The following ZNF148 variants were observed in gnomAD, a reference collection of about 807,000 sequenced individuals.
The protein encoded by ZNF148 is Beta-Enolase Repressor Factor-1.
ZNF148 carries 7 observed loss-of-function variants against 67.7 expected under a neutral mutation model. That is an observed-to-expected ratio of 0.10 (90% CI 0.06 to 0.19). The LOEUF is 0.19. ZNF148 is among the 10% of genes least tolerant of loss of function. The pLI, the probability that ZNF148 is intolerant of heterozygous loss-of-function variation, is 1.00. For missense variants in ZNF148, 583 were observed against 947.1 expected, an observed-to-expected ratio of 0.62 and a Z score of 5.05; for synonymous variants, 333 against 330.7, an observed-to-expected ratio of 1.01 and a Z score of -0.08.
chr3:125,280,725 AAAT>A (rs1938335922), intron 5 of ZNF148, among the ~76,000 whole-genome samples: 1 of 151,342 alleles, frequency 6.6e-6, no homozygotes, highest in Non-Finnish European at 1.5e-5. Context: ...GGAAGAGTGA[AAAT>A]AATGATTCCT....
chr3:125,277,909 G>T, intron 6 of ZNF148, 100 bp from the exon 7 acceptor site: 1 of 875,258 alleles, frequency 1.1e-6, no homozygotes, highest in Non-Finnish European at 1.6e-6. Flanking sequence ...CCAAATTTTG[G>T]AAAATTACAA....
intron 7 of ZNF148, among the ~76,000 whole-genome samples, chr3:125,260,753 T>C (rs1034566632): frequency 1.1e-4 from 17 of 152,274 alleles, no homozygotes; most frequent in Admixed American, 7.8e-4. Flanking sequence ...TGTATGTAAA[T>C]TGTACATTAA....
Position 125,323,413 on chromosome 3 carries a change from A to G in ZNF148, c.-121T>C. On this transcript the variant is annotated 5_prime_UTR_variant, in exon 3 of 9. Coordinates refer to ENST00000360647, the MANE Select transcript of ZNF148 (RefSeq NM_021964.3). ...CTTTCATAGGCTTCAGAAATCCTCA[A>G]TACCACCTTAATCACTTATGCCATC... is the stretch of plus-strand genomic sequence containing the variant. 1 of 694,458 alleles carries G rather than the reference A, an allele frequency of 1.4e-6. No individual in the cohort carries two copies. Among genetic ancestry groups the G allele is most frequent in the East Asian group, 2.7e-5 (1 of 36,884 alleles). The allele number at this position is 694,458 out of a possible 1,614,324, so 43.0% of individuals were successfully genotyped here.
rs192131554 is a variant in ZNF148 at position 125,250,925 on chromosome 3, A to G, written c.668-16596T>C. Among the ~76,000 whole-genome samples the G allele has an allele frequency of 1.9e-4, 29 of 152,310 alleles. No individual in the cohort carries two copies. The East Asian group carries it at 5.4e-3, about 28-fold the overall frequency. ...ATTATCATTATGGATCTTTTCAAAC[A>G]TACACAAAAGTAGAGAACACATAAA... On this transcript the variant is annotated intron_variant, in intron 7 of 8. Coordinates refer to ENST00000360647, the MANE Select transcript of ZNF148 (RefSeq NM_021964.3).
intron 5 of ZNF148, among the ~76,000 whole-genome samples, chr3:125,285,463 A>G (rs1488304536): frequency 6.6e-6 from 1 of 152,146 alleles, no homozygotes; most frequent in East Asian, 1.9e-4. Flanking sequence ...GAGATGGCAG[A>G]CCAGTGGTTA....
intron 1 of ZNF148, among the ~76,000 whole-genome samples, chr3:125,373,063 A>C (rs953650095): frequency 6.6e-6 from 1 of 151,968 alleles, no homozygotes; most frequent in African/African-American, 2.4e-5. Flanking sequence ...AAGAACAGAT[A>C]ATATACAGTG....
Position 125,291,098 on chromosome 3 carries a change from C to T in ZNF148, c.334-2870G>A, listed in dbSNP as rs74818969. 1.9e-3 allele frequency among the ~76,000 whole-genome samples: 291 copies of T among 152,050 alleles called. 3 individuals are homozygous for T. The highest frequency in any genetic ancestry group is 6.3e-3 in the African/African-American group (261 of 41,478). On this transcript the variant is annotated intron_variant, in intron 4 of 8. Transcript: ENST00000360647. ...TACAGTTGCAAATTTTGGTCTACCC[C>T]CTCTCCCCACCTTCCAAACAAGATG...
At chr3:125,324,927 A>T (rs796360846) in intron 2 of ZNF148, among the ~76,000 whole-genome samples, 7 of 152,276 alleles carry the variant, frequency 4.6e-5, no homozygotes, top group African/African-American at 1.7e-4. Flanking sequence ...TGCCAGATAC[A>T]CTTTTGTGCA....
At chr3:125,328,455 T>A (rs1346017536) in intron 2 of ZNF148, among the ~76,000 whole-genome samples, 1 of 152,098 alleles carries the variant, frequency 6.6e-6, no homozygotes, top group Non-Finnish European at 1.5e-5. Context: ...TTAGCCAGAT[T>A]TGATCATTAC....
intron 1 of ZNF148, among the ~76,000 whole-genome samples, chr3:125,355,728 A>C (rs925958056): frequency 1.0e-4 from 1 of 9,636 alleles, no homozygotes; most frequent in Non-Finnish European, 2.2e-4. Flanking sequence ...TCTCTATTTA[A>C]AAAAAAAAAA....
intron 4 of ZNF148, among the ~76,000 whole-genome samples, chr3:125,290,103 C>A (rs1938925652): frequency 1.3e-5 from 2 of 152,146 alleles, no homozygotes; most frequent in African/African-American, 4.8e-5. Context: ...TCAGACATTT[C>A]TCCTAAAACT....
intron 3 of ZNF148, among the ~76,000 whole-genome samples, chr3:125,320,241 A>T (rs912390230): frequency 6.6e-6 from 1 of 152,194 alleles, no homozygotes. Context: ...AAAATTTAAA[A>T]ATAATCCTAA....
intron 2 of ZNF148, among the ~76,000 whole-genome samples, chr3:125,325,180 A>C (rs1940965704): frequency 1.3e-5 from 2 of 152,198 alleles, no homozygotes; most frequent in South Asian, 4.1e-4. Flanking sequence ...ATTATGTAAA[A>C]GAACCAAATG....
At chr3:125,241,313 C>A (rs553888374) in intron 7 of ZNF148, among the ~76,000 whole-genome samples, 1 of 148,474 alleles carries the variant, frequency 6.7e-6, no homozygotes, top group South Asian at 2.1e-4. Context: ...TTTTTTCTTT[C>A]TTTCTTTTTT....
chr3:125,232,215 A>G lies in ZNF148; in HGVS notation c.*126T>C, dbSNP rs1057327376. On this transcript the variant is annotated 3_prime_UTR_variant, in exon 9 of 9. Coordinates refer to ENST00000360647, the MANE Select transcript of ZNF148 (RefSeq NM_021964.3). The surrounding 1 kb of genome is among the most constrained non-coding windows in gnomAD (Gnocchi z 4.2). ...CAGTTATTGGATTATCTTGCTATTC[A>G]TATCAGCTTAACTTGTTATTACGCA... 5.3e-5 allele frequency: 60 copies of G among 1,139,348 alleles called. No homozygotes were observed. Among genetic ancestry groups the G allele is most frequent in the Non-Finnish European group, 6.7e-5 (56 of 835,782 alleles). 70.6% of individuals were successfully genotyped at this position (1,139,348 alleles called of 1,614,324 possible).
rs557161438 is a variant in ZNF148 at position 125,264,945 on chromosome 3, G to A, written c.667+12781C>T. ...AATTAATTAGATCTACAACCCAAAC[G>A]CTGCTGAGTGAATATATCCAGGCTG... On this transcript the variant is annotated intron_variant, in intron 7 of 8. Transcript: ENST00000360647. Among the ~76,000 whole-genome samples, 3 of 152,218 alleles carry A rather than the reference G, an allele frequency of 2.0e-5. No homozygotes were observed. In the East Asian group the frequency reaches 5.8e-4, roughly 29 times the overall value.
chr3:125,307,811 ATTTT>A (rs34469920), intron 4 of ZNF148, among the ~76,000 whole-genome samples: 13 of 127,262 alleles, frequency 1.0e-4, no homozygotes, highest in Non-Finnish European at 1.1e-4. Flanking sequence ...TGCCCAGATA[ATTTT>A]TTTTTTTTTT....
chr3:125,270,262 T>TC (rs965313520), intron 7 of ZNF148, among the ~76,000 whole-genome samples: 17 of 151,784 alleles, frequency 1.1e-4, no homozygotes, highest in African/African-American at 4.1e-4. Context: ...ATCCCAGCAC[T>TC]CTGGGAGGCC....
chr3:125,286,265 A>G (rs1342312326), intron 5 of ZNF148, among the ~76,000 whole-genome samples: 2 of 152,190 alleles, frequency 1.3e-5, no homozygotes, highest in African/African-American at 2.4e-5. Flanking sequence ...GGGAGAGGGA[A>G]GAAAAGAAGA....
Sources: allele counts gnomAD v4.1 joint callset (sites outside exome capture counted in the v4.1 genomes callset), GRCh38; gene constraint gnomAD v4.1.1; non-coding constraint Gnocchi (gnomAD v3.1); transcripts MANE v1.5; gene names NCBI Gene and HGNC (gene_info 2026-07-23, HGNC 2026-07-21).